The following TENM2 variants were observed in gnomAD, a reference collection of about 807,000 sequenced individuals.
The protein encoded by TENM2 is teneurin-2.
Under a neutral mutation model 245.2 loss-of-function variants are expected in TENM2, and 52 were observed. That is an observed-to-expected ratio of 0.21 (90% CI 0.17 to 0.27). TENM2 has a LOEUF of 0.27. TENM2 is among the 10% of genes least tolerant of loss of function. The probability of loss-of-function intolerance (pLI) is 1.00; values close to 1 mark genes in which losing one functional copy is unlikely to be tolerated. For missense variants in TENM2, 3,046 were observed against 3,666.8 expected, an observed-to-expected ratio of 0.83 and a Z score of 4.37; for synonymous variants, 1,363 against 1,438.9, an observed-to-expected ratio of 0.95 and a Z score of 1.19.
the TENM2 span, among the ~76,000 whole-genome samples, chr5:167,145,265 A>T: frequency 6.6e-6 from 1 of 152,208 alleles, no homozygotes; most frequent in Admixed American, 6.5e-5. Context: ...AGCGCAGAGT[A>T]TATGCTTTGG....
chr5:168,056,766 C>T (rs2152074777), intron 6 of TENM2, among the ~76,000 whole-genome samples: 1 of 152,262 alleles, frequency 6.6e-6, no homozygotes, highest in South Asian at 2.1e-4. Flanking sequence ...TACAGGTGTA[C>T]CATTCATTTT....
intron 2 of TENM2, among the ~76,000 whole-genome samples, chr5:167,807,768 C>T (rs1317150289): frequency 2.0e-5 from 3 of 151,824 alleles, no homozygotes; most frequent in Non-Finnish European, 2.9e-5. Context: ...TGTCTTTTTC[C>T]GCAGGGCAAC....
chr5:167,272,390 C>T, the TENM2 span, among the ~76,000 whole-genome samples: 3 of 152,090 alleles, frequency 2.0e-5, no homozygotes, highest in Non-Finnish European at 4.4e-5. Flanking sequence ...ATGTCACCTG[C>T]AATATTTAAG....
chr5:168,194,564 A>G (rs577499871), intron 14 of TENM2, among the ~76,000 whole-genome samples: 32 of 152,292 alleles, frequency 2.1e-4, no homozygotes, highest in African/African-American at 7.2e-4. Context: ...AAAAGTGTAT[A>G]TAGATATATA....
intron 2 of TENM2, among the ~76,000 whole-genome samples, chr5:167,640,903 A>ATATATC (rs1779564521): frequency 5.2e-5 from 5 of 95,542 alleles, no homozygotes; most frequent in Non-Finnish European, 8.5e-5. Flanking sequence ...ATATATATAT[A>ATATATC]TATCTTTCTC....
intron 1 of TENM2, among the ~76,000 whole-genome samples, chr5:167,290,684 G>T (rs140016187): frequency 6.7e-6 from 1 of 150,354 alleles, no homozygotes; most frequent in East Asian, 2.0e-4. Context: ...CCTATTTTTA[G>T]ACAGGAATGA....
intron 1 of TENM2, among the ~76,000 whole-genome samples, chr5:167,290,170 A>G (rs568647620): frequency 9.3e-4 from 141 of 152,326 alleles, no homozygotes; most frequent in African/African-American, 3.3e-3. Flanking sequence ...TTTGCTGGAT[A>G]ACTTGAATCC....
intron 2 of TENM2, among the ~76,000 whole-genome samples, chr5:167,395,128 T>C (rs577674956): frequency 6.6e-6 from 1 of 152,296 alleles, no homozygotes; most frequent in East Asian, 1.9e-4. Context: ...TCCATGGACA[T>C]GGGATGCCTT....
chr5:167,046,856 G>GC, the TENM2 span, among the ~76,000 whole-genome samples: 2 of 151,070 alleles, frequency 1.3e-5, no homozygotes, highest in African/African-American at 4.9e-5. Context: ...CCCTCCCTTA[G>GC]CCCCCCACCC....
the TENM2 span, among the ~76,000 whole-genome samples, chr5:167,255,685 G>A: frequency 0.75 from 114,588 of 152,056 alleles, 44,857 homozygotes; most frequent in Middle Eastern, 0.89. Flanking sequence ...GAGAAGTACA[G>A]GTTGTGAGAG....
chr5:167,245,646 G>C, the TENM2 span, among the ~76,000 whole-genome samples: 1 of 151,910 alleles, frequency 6.6e-6, no homozygotes, highest in African/African-American at 2.4e-5. Context: ...GGTTCAATAA[G>C]TTATGGAACA....
intron 2 of TENM2, among the ~76,000 whole-genome samples, chr5:167,753,408 G>T (rs975387783): frequency 2.0e-5 from 3 of 152,196 alleles, no homozygotes; most frequent in Non-Finnish European, 4.4e-5. Context: ...TGGGCTCAGT[G>T]TGGAGGAGAA....
chr5:167,402,315 AATC>A (rs534201180), intron 2 of TENM2, among the ~76,000 whole-genome samples: 90 of 152,252 alleles, frequency 5.9e-4, no homozygotes, highest in Middle Eastern at 3.4e-3. Flanking sequence ...CAGGAGGTAA[AATC>A]ATAATCATAG....
intron 2 of TENM2, among the ~76,000 whole-genome samples, chr5:167,823,487 C>T (rs985783605): frequency 3.9e-5 from 6 of 152,296 alleles, no homozygotes; most frequent in African/African-American, 1.4e-4. Context: ...TTTGAATTGC[C>T]TCCTGCACCA....
At chr5:167,454,534 C>A (rs1582093440) in intron 2 of TENM2, among the ~76,000 whole-genome samples, 2 of 142,986 alleles carry the variant, frequency 1.4e-5, no homozygotes, top group Middle Eastern at 7.1e-3. Flanking sequence ...TGCATGCACA[C>A]CCACACATAT....
At chr5:167,342,576 G>T in intron 1 of TENM2, among the ~76,000 whole-genome samples, 1 of 133,020 alleles carries the variant, frequency 7.5e-6, no homozygotes, top group African/African-American at 2.8e-5. Flanking sequence ...GCCGGACTGC[G>T]GACTGCAGTG....
At chr5:167,792,824 A>G (rs544493014) in intron 2 of TENM2, among the ~76,000 whole-genome samples, 1 of 152,096 alleles carries the variant, frequency 6.6e-6, no homozygotes, top group South Asian at 2.1e-4. Flanking sequence ...CAGCATGTGC[A>G]ATGTTATGAA....
At chr5:168,245,928 A>G (rs760039545) in intron 26 of TENM2, among the ~76,000 whole-genome samples, 2 of 152,098 alleles carry the variant, frequency 1.3e-5, no homozygotes, top group Admixed American at 6.6e-5. Flanking sequence ...TCATCTTTGC[A>G]GTAGCTTCAA....
intron 1 of TENM2, among the ~76,000 whole-genome samples, chr5:167,326,464 T>C (rs1399588015): frequency 6.6e-6 from 1 of 151,694 alleles, no homozygotes; most frequent in Non-Finnish European, 1.5e-5. Context: ...CACGAGGTCA[T>C]GAGAGCGAGA....
Sources: gnomAD v4.1 joint callset for allele counts (sites outside exome capture counted in the v4.1 genomes callset) on GRCh38, gnomAD v4.1.1 for gene constraint, MANE v1.5 for transcripts, NCBI Gene and HGNC (gene_info 2026-07-23, HGNC 2026-07-21) for gene names.